The following PLPP1 variants were observed in gnomAD, a reference collection of about 807,000 sequenced individuals.
PLPP1 encodes the protein lipid phosphate phosphohydrolase 1a.
PLPP1 carries 24 observed loss-of-function variants against 31.2 expected under a neutral mutation model. The observed-to-expected ratio is 0.77, with a 90% CI of 0.56 to 1.08. The LOEUF is 1.08. Among genes scored for constraint, PLPP1 ranks in the 50% least tolerant of loss-of-function variants. The pLI is 0.00. For synonymous variants in PLPP1, 146 were observed against 126.3 expected, an observed-to-expected ratio of 1.16 and a Z score of -1.05; for missense variants, 319 against 342.7, an observed-to-expected ratio of 0.93 and a Z score of 0.55.
At chr5:55,453,609 A>G (rs1751940282) in intron 3 of PLPP1, among the ~76,000 whole-genome samples, 1 of 152,226 alleles carries the variant, frequency 6.6e-6, no homozygotes. Flanking sequence ...ATTCATAATG[A>G]TTAAATACAG....
intron 1 of PLPP1, among the ~76,000 whole-genome samples, chr5:55,507,016 C>T (rs186141672): frequency 1.3e-5 from 2 of 152,228 alleles, no homozygotes; most frequent in Admixed American, 6.5e-5. Flanking sequence ...ACAGGTGTTG[C>T]AAATTCTTTC....
chr5:55,491,987 C>T (rs1752903542), intron 1 of PLPP1, among the ~76,000 whole-genome samples: 1 of 151,840 alleles, frequency 6.6e-6, no homozygotes, highest in Admixed American at 6.6e-5. Flanking sequence ...CAAACAAACA[C>T]CCGGTTTTAT....
At chr5:55,457,183 A>G (rs1169876942) in intron 3 of PLPP1, among the ~76,000 whole-genome samples, 1 of 151,828 alleles carries the variant, frequency 6.6e-6, no homozygotes, top group Admixed American at 6.6e-5. Context: ...AAAAAAAGCT[A>G]TAAATAATAA....
chr5:55,438,888 A>G (rs1052468859), intron 4 of PLPP1, among the ~76,000 whole-genome samples: 2 of 151,784 alleles, frequency 1.3e-5, no homozygotes, highest in Admixed American at 6.6e-5. Context: ...GTGAGAGAGC[A>G]AGACTCCGTC....
intron 4 of PLPP1, among the ~76,000 whole-genome samples, chr5:55,434,673 T>C (rs1751450516): frequency 2.6e-5 from 4 of 152,166 alleles, no homozygotes; most frequent in Admixed American, 1.3e-4. Context: ...GAACATACAA[T>C]AGAGACAGTC....
At position 55,471,959 on chromosome 5, in the gene PLPP1, A is replaced by T. The variant is rs922440664; in HGVS notation, c.210+3340T>A. On this transcript the variant is annotated intron_variant, in intron 2 of 5. Coordinates refer to ENST00000307259, the MANE Select transcript of PLPP1 (RefSeq NM_003711.4). The stretch of plus-strand genomic sequence containing the variant: ...AACACAGAGAGATAGTTATCTCTTT[A>T]AAAAAAAATGTAATTAGCCAGATGT... Among the ~76,000 whole-genome samples the T allele has an allele frequency of 1.5e-3, 6 of 3,962 alleles. No individual in the cohort carries two copies. The Admixed American group carries it at 0.026, about 17-fold the overall frequency. 2.6% of individuals were successfully genotyped at this position (3,962 alleles called of 152,430 possible).
At chr5:55,468,252 C>A in intron 2 of PLPP1, 103 bp from the exon 3 acceptor site, 1 of 1,093,096 alleles carries the variant, frequency 9.1e-7, no homozygotes, top group Non-Finnish European at 1.3e-6. Flanking sequence ...GCAAAAATAT[C>A]TTTGTTTCAA....
At chr5:55,506,594 A>G (rs1042170706) in intron 1 of PLPP1, among the ~76,000 whole-genome samples, 2 of 152,236 alleles carry the variant, frequency 1.3e-5, no homozygotes, top group Admixed American at 6.5e-5. Context: ...AGCAAAATGT[A>G]TAAGAAAAAT....
intron 3 of PLPP1, among the ~76,000 whole-genome samples, chr5:55,451,714 A>G (rs13167727): frequency 0.86 from 130,635 of 152,134 alleles, 56,471 homozygotes; most frequent in South Asian, 0.92. Flanking sequence ...GGTGTGCACC[A>G]CCATGCCTGG....
chr5:55,520,145 TCCAA>T (rs989351002), intron 1 of PLPP1, among the ~76,000 whole-genome samples: 3 of 152,196 alleles, frequency 2.0e-5, no homozygotes, highest in African/African-American at 7.2e-5. Flanking sequence ...CTGTTCTCTC[TCCAA>T]CCAAGAACTT....
chr5:55,459,283 A>G (rs944122093), intron 3 of PLPP1, among the ~76,000 whole-genome samples: 9 of 152,148 alleles, frequency 5.9e-5, no homozygotes, highest in Non-Finnish European at 1.2e-4. Flanking sequence ...CACGGCCACA[A>G]GATAAAAAAA....
At chr5:55,522,146 C>T (rs761652727) in intron 1 of PLPP1, among the ~76,000 whole-genome samples, 3 of 152,184 alleles carry the variant, frequency 2.0e-5, no homozygotes, top group Non-Finnish European at 2.9e-5. Context: ...ACTATATCTG[C>T]TAGAATGCAT....
chr5:55,527,038 CT>C (rs1270082853), intron 1 of PLPP1, among the ~76,000 whole-genome samples: 1 of 151,614 alleles, frequency 6.6e-6, no homozygotes, highest in Non-Finnish European at 1.5e-5. Flanking sequence ...GTCTAACACA[CT>C]GCCCAGCACC....
At position 55,470,825 on chromosome 5, in the gene PLPP1, T is replaced by C. The variant is rs911919034; in HGVS notation, c.211-2676A>G. On this transcript the variant is annotated intron_variant, in intron 2 of 5. Coordinates refer to ENST00000307259, the MANE Select transcript of PLPP1 (RefSeq NM_003711.4). ...ATCCTTAAACTGAGACTATTTATAA[T>C]GCATTATTTACTTAGATTCTGGGAT... Among the ~76,000 whole-genome samples the C allele has an allele frequency of 9.2e-5, 14 of 152,232 alleles. No homozygotes were observed. The South Asian group carries it at 1.2e-3, about 13-fold the overall frequency.
rs1281676678 is a variant in PLPP1 at position 55,425,298 on chromosome 5, A to C, written c.763T>G (p.Ser255Ala). ...TCCTCCTCTTTTCTTTCTTTAAAAG[A>C]AGTTCTTTCTTTGAAGAAATCCGAT... is the stretch of plus-strand genomic sequence containing the variant. Reference protein sequence around the residue: ...YVSDFFKERTSFKERKEEDSH... With the variant: ...YVSDFFKERTAFKERKEEDSH... The change falls in exon 6 of 6, where the codon TCT becomes GCT. Residue 255 changes from serine (S) to alanine (A), a missense_variant. Transcript: ENST00000307259. 1.2e-6 allele frequency: 2 copies of C among 1,609,798 alleles called. No homozygotes were observed. Among genetic ancestry groups the C allele is most frequent in the South Asian group, 2.2e-5 (2 of 90,876 alleles).
intron 4 of PLPP1, 44 bp from the exon 5 acceptor site, chr5:55,426,083 C>A: frequency 6.7e-7 from 1 of 1,482,042 alleles, no homozygotes; most frequent in Non-Finnish European, 9.1e-7. Flanking sequence ...TTTAACATAA[C>A]GCAAAACTTT....
At chr5:55,519,755 AAAAAAG>A (rs1489644640) in intron 1 of PLPP1, among the ~76,000 whole-genome samples, 9 of 151,978 alleles carry the variant, frequency 5.9e-5, no homozygotes, top group Admixed American at 1.3e-4. Context: ...CTCAAAAAAA[AAAAAAG>A]AAAAAGAAAA....
At chr5:55,478,776 A>G (rs911455033) in intron 1 of PLPP1, among the ~76,000 whole-genome samples, 1 of 152,148 alleles carries the variant, frequency 6.6e-6, no homozygotes, top group Non-Finnish European at 1.5e-5. Flanking sequence ...ACAGTGCCCA[A>G]TATGGCATCC....
At chr5:55,531,800 C>A (rs536493467) in intron 1 of PLPP1, among the ~76,000 whole-genome samples, 1 of 152,344 alleles carries the variant, frequency 6.6e-6, no homozygotes, top group Non-Finnish European at 1.5e-5. Flanking sequence ...GTATCTCCTG[C>A]ACCACTGGTC....
Sources: gnomAD v4.1 joint callset for allele counts (sites outside exome capture counted in the v4.1 genomes callset) on GRCh38, gnomAD v4.1.1 for gene constraint, MANE v1.5 for transcripts, NCBI Gene and HGNC (gene_info 2026-07-23, HGNC 2026-07-21) for gene names.